Variants in EPC2 observed in about 807,000 individuals in gnomAD.
The protein encoded by EPC2 is enhancer of polycomb homolog 2.
Under a neutral mutation model 92.1 loss-of-function variants are expected in EPC2, and 14 were observed. The ratio of observed to expected loss-of-function variants is 0.15; its 90% CI spans 0.10 to 0.24. EPC2 has a LOEUF of 0.24. Ranked by LOEUF, EPC2 falls within the 10% of genes least tolerant of loss-of-function variation. EPC2 has a pLI of 1.00. For missense variants in EPC2, 755 were observed against 971.5 expected (o/e 0.78, Z 2.96); for synonymous variants, 340 against 334.7 (o/e 1.02, Z -0.17).
At chr2:148,756,609 A>T (rs1324590509) in intron 4 of EPC2, among the ~76,000 whole-genome samples, 1 of 152,230 alleles carries the variant, frequency 6.6e-6, no homozygotes, top group Non-Finnish European at 1.5e-5. Flanking sequence ...ACTTCAGGGC[A>T]TTCTTAAATG....
intron 2 of EPC2, among the ~76,000 whole-genome samples, chr2:148,741,249 T>G (rs1366286518): frequency 1.3e-5 from 2 of 152,188 alleles, no homozygotes; most frequent in Non-Finnish European, 2.9e-5. Flanking sequence ...AAATACTGCC[T>G]ACCACATAGG....
chr2:148,783,461 C>A, intron 11 of EPC2, 136 bp from the exon 12 acceptor site: 1 of 715,926 alleles, frequency 1.4e-6, no homozygotes, highest in Non-Finnish European at 2.2e-6. Flanking sequence ...TCTATGGAAT[C>A]GTAGATCGCT....
Position 148,770,869 on chromosome 2 carries a change from C to T in EPC2, c.1308C>T (p.Cys436=). The change falls in exon 9 of 14, where the codon TGC becomes TGT. Residue 436 remains cysteine, a synonymous_variant. Transcript: ENST00000258484. ...ADLDKLRYRH[C]LTTLTVPRRC... The stretch of plus-strand genomic sequence containing the variant: ...TGGATAAGTTGAGGTATAGGCATTG[C>T]CTTACAACACTTACAGTCCCAAGAA... 1.9e-6 allele frequency: 3 copies of T among 1,613,840 alleles called. No homozygotes were observed. The highest frequency in any genetic ancestry group is 2.5e-6 in the Non-Finnish European group (3 of 1,179,838).
At chr2:148,741,967 A>G (rs757273942) in intron 2 of EPC2, among the ~76,000 whole-genome samples, 2 of 152,172 alleles carry the variant, frequency 1.3e-5, no homozygotes, top group South Asian at 2.1e-4. Context: ...TTTAAAACAC[A>G]TATATTAGTG....
At chr2:148,719,657 T>G (rs1439364345) in intron 2 of EPC2, among the ~76,000 whole-genome samples, 1 of 152,178 alleles carries the variant, frequency 6.6e-6, no homozygotes, top group Non-Finnish European at 1.5e-5. Context: ...TGAACACGCC[T>G]GTAGGGGGTG....
At position 148,779,863 on chromosome 2, in the gene EPC2, C is replaced by T. The variant is rs193133152; in HGVS notation, c.1721-1781C>T. Among the ~76,000 whole-genome samples the T allele has an allele frequency of 3.0e-4, 45 of 152,234 alleles. 1 individual carries two copies. In the East Asian group the frequency reaches 7.3e-3, roughly 25 times the overall value. On this transcript the variant is annotated intron_variant, in intron 10 of 13. Transcript: ENST00000258484. ...GTTGTAATAATACCAGATTCCAAGTCCATTTCTTTTGAATTGGTGCACTGT... is the reference window on the plus strand; with the variant it reads ...GTTGTAATAATACCAGATTCCAAGTTCATTTCTTTTGAATTGGTGCACTGT...
chr2:148,704,904 T>A (rs927366360), intron 2 of EPC2, among the ~76,000 whole-genome samples: 2 of 151,370 alleles, frequency 1.3e-5, no homozygotes, highest in African/African-American at 4.9e-5. Context: ...TTCTTTTTCT[T>A]TTTCTTTTTT....
chr2:148,781,647 CAG>C lies in EPC2; in HGVS notation c.1725_1726del (p.Gly577TyrfsTer48), dbSNP rs756428805. The stretch of plus-strand genomic sequence containing the variant: ...CAAAATTCATGTTCTTTACCAGTAA[CAG>C]GGGGTATCACAGAAGAGCAGTTTCA... On this transcript the variant is annotated frameshift_variant, in exon 11 of 14. Transcript: ENST00000258484. LOFTEE classifies it high-confidence loss of function. 4 of 1,611,450 alleles carry C rather than the reference CAG, an allele frequency of 2.5e-6. No individual in the cohort carries two copies. Among genetic ancestry groups the C allele is most frequent in the Admixed American group, 1.7e-5 (1 of 59,446 alleles).
Position 148,671,286 on chromosome 2 carries a change from GA to G in EPC2, c.154-18927del, listed in dbSNP as rs760967046. Among the ~76,000 whole-genome samples, 820 of 130,600 alleles carry G rather than the reference GA, an allele frequency of 6.3e-3. 10 individuals carry two copies. The highest frequency in any genetic ancestry group is 0.02 in the South Asian group (81 of 4,056). 85.7% of individuals were successfully genotyped at this position (130,600 alleles called of 152,430 possible). A position where few individuals can be genotyped will look rare whatever the true frequency, so the allele number is the denominator to read the frequency against. On this transcript the variant is annotated intron_variant, in intron 1 of 13. Coordinates refer to ENST00000258484, the MANE Select transcript of EPC2 (RefSeq NM_015630.4). ...ATGCTAAATCTCTATTGTGGATTGTGATTTTTTTTTTTTTTTTTTTTGTAGC... is the reference window on the plus strand; with the variant it reads ...ATGCTAAATCTCTATTGTGGATTGTGTTTTTTTTTTTTTTTTTTTTGTAGC...
chr2:148,770,865 A>G lies in EPC2; in HGVS notation c.1304A>G (p.His435Arg). ...LADLDKLRYRHCLTTLTVPRR... is the reference protein window; with the variant it reads ...LADLDKLRYRRCLTTLTVPRR... ...GATTTGGATAAGTTGAGGTATAGGC[A>G]TTGCCTTACAACACTTACAGTCCCA... Residue 435 changes from histidine to arginine, a missense_variant, in exon 9 of 14, where the codon CAT (histidine) becomes CGT (arginine). His to Arg is a conservative substitution (Grantham distance 29). Coordinates refer to ENST00000258484, the MANE Select transcript of EPC2 (RefSeq NM_015630.4). The G allele has an allele frequency of 6.2e-7, 1 of 1,613,944 alleles. No homozygotes were observed. The highest frequency in any genetic ancestry group is 8.5e-7 in the Non-Finnish European group (1 of 1,179,864).
intron 1 of EPC2, among the ~76,000 whole-genome samples, chr2:148,645,905 G>A (rs1478977956): frequency 1.3e-5 from 2 of 152,248 alleles, no homozygotes; most frequent in Non-Finnish European, 2.9e-5. Flanking sequence ...CCGGCGTTGC[G>A]TTGTCCTCGA....
At chr2:148,698,633 CAAAAAAAAA>C (rs36045036) in intron 2 of EPC2, among the ~76,000 whole-genome samples, 3 of 57,010 alleles carry the variant, frequency 5.3e-5, no homozygotes, top group East Asian at 6.3e-4. Flanking sequence ...GACTCCATCT[CAAAAAAAAA>C]AAAAAAAAAA....
In EPC2 at chr2:148,690,446, TAAAG is replaced by T. The variant is rs1681623781; in HGVS notation, c.313+77_313+80del. The T allele has an allele frequency of 5.1e-6, 7 of 1,378,398 alleles. No homozygotes were observed. The African/African-American group carries it at 1.0e-4, about 20-fold the overall frequency. 85.4% of individuals were successfully genotyped at this position (1,378,398 alleles called of 1,614,324 possible). Reference sequence around the variant, plus strand: ...ACCAGTGGAAATCTTTTCTTTTGTCTAAAGAAATTCTGATTTTTTAATTCATACA... The same window carrying T: ...ACCAGTGGAAATCTTTTCTTTTGTCTAAATTCTGATTTTTTAATTCATACA... On this transcript the variant is annotated intron_variant, in intron 2 of 13. Transcript: ENST00000258484.
At chr2:148,781,506 G>C (rs1242885702) in intron 10 of EPC2, 138 bp from the exon 11 acceptor site, 1 of 815,818 alleles carries the variant, frequency 1.2e-6, no homozygotes, top group Non-Finnish European at 1.9e-6. Flanking sequence ...ATTTTCATTA[G>C]ATTATTTTCT....
At chr2:148,690,926 G>C (rs1039724458) in intron 2 of EPC2, among the ~76,000 whole-genome samples, 1 of 152,238 alleles carries the variant, frequency 6.6e-6, no homozygotes, top group Non-Finnish European at 1.5e-5. Context: ...GCCTCCCAGA[G>C]TGCTGGGATT....
intron 1 of EPC2, among the ~76,000 whole-genome samples, chr2:148,651,199 GAATATCT>G (rs1433989028): frequency 6.6e-6 from 1 of 152,174 alleles, no homozygotes; most frequent in Non-Finnish European, 1.5e-5. Flanking sequence ...TTGAGCATAA[GAATATCT>G]AAAGGAAGTT....
rs34219179 is a variant in EPC2 at position 148,733,479 on chromosome 2, ATTTTTTTTTTTTTTTTTTT to A, written c.314-10125_314-10107del. ...CTTTCTCTTTTCTTTCTCTCTCTGG[ATTTTTTTTTTTTTTTTTTT>A]TTTTTTTTTTTTTTTTTGATACAGG... On this transcript the variant is annotated intron_variant, in intron 2 of 13. Transcript: ENST00000258484. Among the ~76,000 whole-genome samples the A allele has an allele frequency of 4.5e-3, 121 of 26,680 alleles. No individual in the cohort carries two copies. The East Asian group carries it at 0.084, about 18-fold the overall frequency. 17.5% of individuals were successfully genotyped at this position (26,680 alleles called of 152,430 possible). A position where few individuals can be genotyped will look rare whatever the true frequency, so the allele number is the denominator to read the frequency against.
chr2:148,757,150 G>T (rs1467062860), intron 4 of EPC2, among the ~76,000 whole-genome samples: 1 of 152,134 alleles, frequency 6.6e-6, no homozygotes, highest in Non-Finnish European at 1.5e-5. Context: ...ACTGAGGCGG[G>T]CGAATCACAA....
In EPC2 at chr2:148,783,684, C is replaced by G; in HGVS notation, c.1945C>G (p.Pro649Ala). 1 of 1,597,426 alleles carries G rather than the reference C, an allele frequency of 6.3e-7. No individual in the cohort carries two copies. Among genetic ancestry groups the G allele is most frequent in the Non-Finnish European group, 8.5e-7 (1 of 1,171,292 alleles). Residue 649 changes from proline to alanine, a missense_variant, in exon 12 of 14, where the codon CCA (proline) becomes GCA (alanine). Transcript: ENST00000258484. ...AASAVVSAPV[P>A]SRSEVAKEQN... Reference sequence around the variant, plus strand: ...ATCTGCAGTGGTCAGTGCACCTGTTCCAAGTCGCAGTGAGGTAGCCAAGGA... The same window carrying G: ...ATCTGCAGTGGTCAGTGCACCTGTTGCAAGTCGCAGTGAGGTAGCCAAGGA...
Sources: gnomAD v4.1 joint callset for allele counts (sites outside exome capture counted in the v4.1 genomes callset) on GRCh38, gnomAD v4.1.1 for gene constraint, MANE v1.5 for transcripts, NCBI Gene and HGNC (gene_info 2026-07-23, HGNC 2026-07-21) for gene names.